Variants in USP34 observed in about 807,000 individuals in gnomAD.
USP34 encodes ubiquitin specific peptidase 34.
USP34 carries 70 observed loss-of-function variants against 460.3 expected under a neutral mutation model. The ratio of observed to expected loss-of-function variants is 0.15; its 90% CI spans 0.13 to 0.19. The LOEUF (loss-of-function observed/expected upper bound fraction) is 0.19, where lower values mean the gene tolerates loss of function less well. Ranked by LOEUF, USP34 falls within the 10% of genes least tolerant of loss-of-function variation. The pLI is 1.00. For synonymous variants in USP34, 1,647 were observed against 1,405.3 expected (o/e 1.17, Z -3.85); for missense variants, 3,985 against 4,236.2 (o/e 0.94, Z 1.65).
At chr2:61,247,739 C>A (rs1473936465) in intron 49 of USP34, among the ~76,000 whole-genome samples, 1 of 152,176 alleles carries the variant, frequency 6.6e-6, no homozygotes, top group Non-Finnish European at 1.5e-5. Context: ...AGAATGTATA[C>A]ATACAATGCC....
intron 21 of USP34, among the ~76,000 whole-genome samples, chr2:61,321,365 G>C (rs1030740221): frequency 2.0e-5 from 3 of 152,096 alleles, no homozygotes; most frequent in Non-Finnish European, 4.4e-5. Flanking sequence ...CAGCTGCTCG[G>C]GAGGCTGAGG....
At chr2:61,420,013 T>A (rs1485967998) in intron 2 of USP34, among the ~76,000 whole-genome samples, 2 of 152,204 alleles carry the variant, frequency 1.3e-5, no homozygotes, top group Non-Finnish European at 2.9e-5. Context: ...GCAAATGTTA[T>A]TTGAAGTTAA....
chr2:61,422,808 G>C (rs917208058), intron 1 of USP34, among the ~76,000 whole-genome samples: 4 of 152,166 alleles, frequency 2.6e-5, no homozygotes, highest in African/African-American at 9.7e-5. Flanking sequence ...AGACCAGCCT[G>C]AGCAGCATAG....
chr2:61,379,472 A>T (rs1344700959), intron 7 of USP34, among the ~76,000 whole-genome samples: 1 of 152,218 alleles, frequency 6.6e-6, no homozygotes, highest in Non-Finnish European at 1.5e-5. Flanking sequence ...GTAAGCCGAG[A>T]TCATGCCATT....
intron 5 of USP34, among the ~76,000 whole-genome samples, chr2:61,391,874 C>G (rs970200641): frequency 3.9e-5 from 6 of 151,930 alleles, no homozygotes; most frequent in African/African-American, 1.2e-4. Flanking sequence ...GGAAAAGATG[C>G]CTATTAAAGA....
chr2:61,321,123 C>T (rs534836061), intron 21 of USP34, among the ~76,000 whole-genome samples: 74 of 151,840 alleles, frequency 4.9e-4, no homozygotes, highest in African/African-American at 1.7e-3. Context: ...CTGCCCTGAA[C>T]TATGATCATG....
At chr2:61,431,680 C>G (rs939568136) in intron 1 of USP34, among the ~76,000 whole-genome samples, 1 of 151,904 alleles carries the variant, frequency 6.6e-6, no homozygotes, top group Non-Finnish European at 1.5e-5. Context: ...TCTGGTGAAA[C>G]CCCATCTCTA....
intron 10 of USP34, among the ~76,000 whole-genome samples, chr2:61,360,969 G>T (rs1230258941): frequency 2.0e-5 from 3 of 152,104 alleles, no homozygotes; most frequent in African/African-American, 7.2e-5. Context: ...CAGCCTCAAT[G>T]GCATTCCTTA....
intron 1 of USP34, among the ~76,000 whole-genome samples, chr2:61,455,809 T>C (rs1450511849): frequency 6.6e-6 from 1 of 152,212 alleles, no homozygotes; most frequent in African/African-American, 2.4e-5. Flanking sequence ...ATATGCATTA[T>C]CTTATTCACT....
chr2:61,285,741 A>G (rs540377717), intron 34 of USP34, among the ~76,000 whole-genome samples: 5 of 152,308 alleles, frequency 3.3e-5, no homozygotes, highest in African/African-American at 9.6e-5. Flanking sequence ...CCATCCTGAA[A>G]TAAGAATTAA....
intron 41 of USP34, among the ~76,000 whole-genome samples, chr2:61,269,323 ATT>A (rs397869885): frequency 0.24 from 32,553 of 134,830 alleles, 3,975 homozygotes; most frequent in South Asian, 0.34. Flanking sequence ...ACCTTGGCTA[ATT>A]TTTTTTTTTT....
rs193062379 is a variant in USP34 at position 61,355,640 on chromosome 2, A to C, written c.1252-4947T>G. ...ACAACAACAACAACAACAACAAACA[A>C]ACACAAACCACCAAAACAACTAAAC... On this transcript the variant is annotated intron_variant, in intron 10 of 79. Coordinates refer to ENST00000398571, the MANE Select transcript of USP34 (RefSeq NM_014709.4). Among the ~76,000 whole-genome samples, 452 of 152,278 alleles carry C rather than the reference A, an allele frequency of 3.0e-3. 1 individual carries two copies. Among genetic ancestry groups the C allele is most frequent in the Non-Finnish European group, 4.8e-3 (327 of 68,018 alleles).
At chr2:61,442,874 T>A (rs1397153576) in intron 1 of USP34, among the ~76,000 whole-genome samples, 1 of 148,758 alleles carries the variant, frequency 6.7e-6, no homozygotes, top group East Asian at 2.0e-4. Flanking sequence ...GATAGATGAA[T>A]GGATAAACAA....
chr2:61,317,580 A>G, intron 23 of USP34, 74 bp downstream of exon 23: 1 of 1,337,598 alleles, frequency 7.5e-7, no homozygotes, highest in Admixed American at 1.9e-5. Context: ...TTGTAGAAAA[A>G]TAATTTGGAA....
chr2:61,199,216 TTA>T (rs1019611111), intron 75 of USP34, among the ~76,000 whole-genome samples: 6 of 152,142 alleles, frequency 3.9e-5, no homozygotes, highest in Admixed American at 2.0e-4. Flanking sequence ...TCATGTGATG[TTA>T]TGTTTTCCTT....
chr2:61,410,866 C>G (rs1694015420), intron 2 of USP34, among the ~76,000 whole-genome samples: 1 of 151,996 alleles, frequency 6.6e-6, no homozygotes, highest in Non-Finnish European at 1.5e-5. Context: ...AAAATCAACC[C>G]CACAGAACAC....
At chr2:61,347,755 T>C (rs1360051513) in intron 15 of USP34, 115 bp downstream of exon 15, 3 of 1,466,996 alleles carry the variant, frequency 2.0e-6, no homozygotes, top group Non-Finnish European at 2.7e-6. Context: ...ATTTATAGTT[T>C]GCACTATACT....
At chr2:61,197,624 A>G (rs113903304) in intron 75 of USP34, among the ~76,000 whole-genome samples, 2,704 of 152,144 alleles carry the variant, frequency 0.018, 32 homozygotes, top group Non-Finnish European at 0.029. Context: ...TTGAGACAGG[A>G]TTTTGCTCTG....
chr2:61,324,319 C>A lies in USP34; in HGVS notation c.3013+1056G>T, dbSNP rs547121064. Among the ~76,000 whole-genome samples, 5 of 152,122 alleles carry A rather than the reference C, an allele frequency of 3.3e-5. No individual in the cohort carries two copies. In the South Asian group the frequency reaches 8.3e-4, roughly 25 times the overall value. The stretch of plus-strand genomic sequence containing the variant: ...CTACTTTTAAAAAATTAACTGTTAA[C>A]GAAACTGAGTTTAAAGTCAAACTAA... On this transcript the variant is annotated intron_variant, in intron 21 of 79. Coordinates refer to ENST00000398571, the MANE Select transcript of USP34 (RefSeq NM_014709.4).
Sources: allele counts gnomAD v4.1 joint callset (sites outside exome capture counted in the v4.1 genomes callset), GRCh38; gene constraint gnomAD v4.1.1; transcripts MANE v1.5; gene names NCBI Gene and HGNC (gene_info 2026-07-23, HGNC 2026-07-21).